The following AGAP1 variants were observed in gnomAD, a reference collection of about 807,000 sequenced individuals.
AGAP1 encodes the protein arf-GAP with GTPase, ANK repeat and PH domain-containing protein 1.
Under a neutral mutation model 105.3 loss-of-function variants are expected in AGAP1, and 29 were observed. That is an observed-to-expected ratio of 0.28 (90% CI 0.21 to 0.38). The LOEUF (loss-of-function observed/expected upper bound fraction) is 0.38, where lower values mean the gene tolerates loss of function less well. Among genes scored for constraint, AGAP1 ranks in the 10% least tolerant of loss-of-function variants. AGAP1 has a pLI of 1.00. For synonymous variants in AGAP1, 509 were observed against 485.9 expected (o/e 1.05, Z -0.63); for missense variants, 998 against 1,165.1 (o/e 0.86, Z 2.09).
chr2:235,765,456 A>T (rs1954867966), intron 6 of AGAP1, among the ~76,000 whole-genome samples: 1 of 152,120 alleles, frequency 6.6e-6, no homozygotes, highest in Non-Finnish European at 1.5e-5. Flanking sequence ...GAACATGTAA[A>T]TTAATCAGCA....
chr2:235,563,688 T>C (rs1266534253), intron 1 of AGAP1, among the ~76,000 whole-genome samples: 1 of 152,162 alleles, frequency 6.6e-6, no homozygotes, highest in African/African-American at 2.4e-5. Flanking sequence ...ATTTGCTGTA[T>C]TCTCTTGATT....
At chr2:235,809,449 C>T (rs1160564603) in intron 9 of AGAP1, among the ~76,000 whole-genome samples, 1 of 151,980 alleles carries the variant, frequency 6.6e-6, no homozygotes, top group Non-Finnish European at 1.5e-5. Context: ...TCCTCACATC[C>T]ACACCTGTCC....
At chr2:235,604,073 CA>C (rs1231862432) in intron 1 of AGAP1, among the ~76,000 whole-genome samples, 6 of 134,750 alleles carry the variant, frequency 4.5e-5, no homozygotes, top group African/African-American at 1.8e-4. Flanking sequence ...TTTATTTGCT[CA>C]TTTTTTTTTT....
At chr2:235,946,276 T>A (rs1299896978) in intron 12 of AGAP1, among the ~76,000 whole-genome samples, 1 of 136,016 alleles carries the variant, frequency 7.4e-6, no homozygotes, top group Non-Finnish European at 1.5e-5. Flanking sequence ...CATAATAGGC[T>A]TTTTTTCCTT....
At chr2:235,797,024 G>A (rs1957273150) in intron 6 of AGAP1, among the ~76,000 whole-genome samples, 1 of 152,084 alleles carries the variant, frequency 6.6e-6, no homozygotes, top group African/African-American at 2.4e-5. Flanking sequence ...CTTACAATGT[G>A]TGCAGTCATA....
chr2:235,983,253 G>A lies in AGAP1; in HGVS notation c.1645+14630G>A, dbSNP rs1320496685. Reference sequence around the variant, plus strand: ...AGGTGTGCAAAGGACCAGCGCTGCTGCAGGGAACATGGCTGGGAGGGCATC... The same window carrying A: ...AGGTGTGCAAAGGACCAGCGCTGCTACAGGGAACATGGCTGGGAGGGCATC... On this transcript the variant is annotated intron_variant, in intron 13 of 17. Transcript: ENST00000304032. This position sits in a 1 kb window ranked among gnomAD's most constrained non-coding sequence, Gnocchi z 4.5. Among the ~76,000 whole-genome samples the A allele has an allele frequency of 6.6e-6, 1 of 152,154 alleles. No individual in the cohort carries two copies. The highest frequency in any genetic ancestry group is 1.5e-5 in the Non-Finnish European group (1 of 68,016).
intron 16 of AGAP1, among the ~76,000 whole-genome samples, chr2:236,064,886 C>A (rs1283224434): frequency 1.3e-5 from 2 of 152,184 alleles, no homozygotes; most frequent in African/African-American, 4.8e-5. Context: ...AGAATAATCA[C>A]CTGTTCTGTA....
chr2:235,803,668 T>C (rs1957695051), intron 8 of AGAP1, among the ~76,000 whole-genome samples: 2 of 152,374 alleles, frequency 1.3e-5, no homozygotes, highest in South Asian at 4.1e-4. Flanking sequence ...TGTAATGCAC[T>C]GCTCTGGGCT....
Position 235,874,865 on chromosome 2 carries a change from TGA to T in AGAP1, c.1051-8478_1051-8477del, listed in dbSNP as rs773085509. Reference sequence around the variant, plus strand: ...CACGCTCATGGATCAAGGCAGAGGATGAGTTTAAAAACTGGTACTAAAATACC... The same window carrying T: ...CACGCTCATGGATCAAGGCAGAGGATGTTTAAAAACTGGTACTAAAATACC... On this transcript the variant is annotated intron_variant, in intron 9 of 17. Transcript: ENST00000304032. This position sits in a 1 kb window ranked among gnomAD's most constrained non-coding sequence, Gnocchi z 4.5. Among the ~76,000 whole-genome samples, 48 of 152,210 alleles carry T rather than the reference TGA, an allele frequency of 3.2e-4. No homozygotes were observed. The highest frequency in any genetic ancestry group is 6.0e-4 in the Non-Finnish European group (41 of 68,036).
rs929125108 is a variant in AGAP1 at position 235,965,239 on chromosome 2, G to A, written c.1484-3223G>A. On this transcript the variant is annotated intron_variant, in intron 12 of 17. Coordinates refer to ENST00000304032, the MANE Select transcript of AGAP1 (RefSeq NM_001037131.3). The surrounding 1 kb of genome is among the most constrained non-coding windows in gnomAD (Gnocchi z 5.8). The stretch of plus-strand genomic sequence containing the variant: ...GCTGTTTCTTGGGAGCCGGCTGCCG[G>A]GAAGAGAGGGTCAGGTAGAGCCAAG... 6.6e-6 allele frequency among the ~76,000 whole-genome samples: 1 copy of A among 152,202 alleles called. No individual in the cohort carries two copies. Among genetic ancestry groups the A allele is most frequent in the East Asian group, 1.9e-4 (1 of 5,196 alleles).
At chr2:235,715,399 G>C (rs1055539064) in intron 2 of AGAP1, among the ~76,000 whole-genome samples, 1 of 152,124 alleles carries the variant, frequency 6.6e-6, no homozygotes, top group Non-Finnish European at 1.5e-5. Flanking sequence ...CCACTGTCAA[G>C]GCTGTCTGGG....
At position 235,778,870 on chromosome 2, in the gene AGAP1, C is replaced by T. The variant is rs113615527; in HGVS notation, c.674-18889C>T. ...CCGGGCACCACATCTTTGTCACCTG[C>T]ATCTCTGTGGCCTCTCCAGCCCCGT... On this transcript the variant is annotated intron_variant, in intron 6 of 17. Transcript: ENST00000304032. Among the ~76,000 whole-genome samples, 1,019 of 152,364 alleles carry T rather than the reference C, an allele frequency of 6.7e-3. 8 individuals are homozygous for T. The highest frequency in any genetic ancestry group is 0.023 in the African/African-American group (952 of 41,584).
At chr2:235,987,153 TATTA>T (rs1323191446) in intron 13 of AGAP1, among the ~76,000 whole-genome samples, 1 of 149,014 alleles carries the variant, frequency 6.7e-6, no homozygotes, top group Non-Finnish European at 1.5e-5. Context: ...GTTGGTAGGC[TATTA>T]ATTACTGCCT....
At chr2:235,930,000 G>A (rs1049298980) in intron 11 of AGAP1, among the ~76,000 whole-genome samples, 1 of 152,140 alleles carries the variant, frequency 6.6e-6, no homozygotes, top group Non-Finnish European at 1.5e-5. Context: ...AGACTAATTC[G>A]CTGGCAGCAG....
Position 235,977,009 on chromosome 2 carries a change from T to C in AGAP1, c.1645+8386T>C, listed in dbSNP as rs769036814. 6.6e-6 allele frequency among the ~76,000 whole-genome samples: 1 copy of C among 152,166 alleles called. No individual in the cohort carries two copies. The highest frequency in any genetic ancestry group is 2.4e-5 in the African/African-American group (1 of 41,444). On this transcript the variant is annotated intron_variant, in intron 13 of 17. Coordinates refer to ENST00000304032, the MANE Select transcript of AGAP1 (RefSeq NM_001037131.3). The surrounding 1 kb of genome is among the most constrained non-coding windows in gnomAD (Gnocchi z 5.2). ...CTCACCTTTGAAAAATGCTGACTAC[T>C]CACAAGGTCCCTTTCTAAGATACAG...
chr2:236,053,517 A>G lies in AGAP1; in HGVS notation c.2114+4236A>G, dbSNP rs541851321. Among the ~76,000 whole-genome samples the G allele has an allele frequency of 5.0e-4, 76 of 152,346 alleles. No homozygotes were observed. Among genetic ancestry groups the G allele is most frequent in the African/African-American group, 1.6e-3 (67 of 41,588 alleles). Reference sequence around the variant, plus strand: ...TTTATTGTTGTCCCCATTGCACTTAAAAACATTTGGGATTGGCTGCAGTGC... The same window carrying G: ...TTTATTGTTGTCCCCATTGCACTTAGAAACATTTGGGATTGGCTGCAGTGC... On this transcript the variant is annotated intron_variant, in intron 16 of 17. Coordinates refer to ENST00000304032, the MANE Select transcript of AGAP1 (RefSeq NM_001037131.3). This position sits in a 1 kb window ranked among gnomAD's most constrained non-coding sequence, Gnocchi z 4.6.
intron 11 of AGAP1, among the ~76,000 whole-genome samples, chr2:235,925,646 G>A (rs1392778003): frequency 6.6e-6 from 1 of 152,190 alleles, no homozygotes; most frequent in Non-Finnish European, 1.5e-5. Context: ...GTGAAAATGT[G>A]ATTTAACTAA....
chr2:235,785,451 C>T (rs927154465), intron 6 of AGAP1, among the ~76,000 whole-genome samples: 1 of 152,188 alleles, frequency 6.6e-6, no homozygotes. Context: ...ATTTCAAAAT[C>T]GACTTTTGGC....
At position 235,495,193 on chromosome 2, in the gene AGAP1, C is replaced by G. The variant is rs140671696; in HGVS notation, c.163+344C>G. Reference sequence around the variant, plus strand: ...GGCAGCCGGCGGGGTCGGCGCCACCCGACCCCTGACAGGTTACCAGGCCAG... The same window carrying G: ...GGCAGCCGGCGGGGTCGGCGCCACCGGACCCCTGACAGGTTACCAGGCCAG... On this transcript the variant is annotated intron_variant, in intron 1 of 17. Transcript: ENST00000304032. Among the ~76,000 whole-genome samples, 323 of 152,254 alleles carry G rather than the reference C, an allele frequency of 2.1e-3. 8 individuals are homozygous for G. In the East Asian group the frequency reaches 0.048, roughly 22 times the overall value.
Sources: gnomAD v4.1 joint callset for allele counts (sites outside exome capture counted in the v4.1 genomes callset) on GRCh38, gnomAD v4.1.1 for gene constraint, Gnocchi (gnomAD v3.1) non-coding constraint, MANE v1.5 for transcripts, NCBI Gene and HGNC (gene_info 2026-07-23, HGNC 2026-07-21) for gene names.